Variants in ACOT7 observed in about 807,000 individuals in gnomAD.
The protein encoded by ACOT7 is acyl-CoA thioesterase 7.
Under a neutral mutation model 40.2 loss-of-function variants are expected in ACOT7, and 12 were observed. That is an observed-to-expected ratio of 0.30 (90% CI 0.19 to 0.48). The LOEUF (loss-of-function observed/expected upper bound fraction) is 0.48. ACOT7 is among the 20% of genes least tolerant of loss of function. The pLI is 0.99. For synonymous variants in ACOT7, 228 were observed against 219.5 expected (o/e 1.04, Z -0.34); for missense variants, 395 against 530.8 (o/e 0.74, Z 2.51).
chr1:6,307,327 C>T (rs1640185082), intron 6 of ACOT7, among the ~76,000 whole-genome samples: 1 of 152,254 alleles, frequency 6.6e-6, no homozygotes, highest in Non-Finnish European at 1.5e-5. Flanking sequence ...GCAGTCCTTC[C>T]CACGCAGGAC....
At chr1:6,293,560 T>C (rs1639730389) in intron 7 of ACOT7, among the ~76,000 whole-genome samples, 1 of 152,112 alleles carries the variant, frequency 6.6e-6, no homozygotes, top group South Asian at 2.1e-4. Context: ...AATTAGCTGG[T>C]TGTGGTGGTG....
At chr1:6,298,139 T>C (rs1346598241) in intron 6 of ACOT7, among the ~76,000 whole-genome samples, 2 of 152,124 alleles carry the variant, frequency 1.3e-5, no homozygotes, top group African/African-American at 4.8e-5. Flanking sequence ...ATCCCCGTCT[T>C]TCTTTTTCTT....
intron 1 of ACOT7, among the ~76,000 whole-genome samples, chr1:6,390,910 T>A (rs566084359): frequency 5.3e-5 from 8 of 151,972 alleles, no homozygotes; most frequent in Non-Finnish European, 8.8e-5. Context: ...CATTCCAGTC[T>A]GGGTGACAGA....
At chr1:6,376,381 C>T (rs1479772301) in intron 1 of ACOT7, among the ~76,000 whole-genome samples, 2 of 151,842 alleles carry the variant, frequency 1.3e-5, no homozygotes, top group African/African-American at 2.4e-5. Flanking sequence ...TACAGTGAGC[C>T]GTGATTGTAC....
rs79124342 is a variant in ACOT7, at chr1:6,307,601, A to G, written c.712+10891T>C. ...GTCTGGGTAACCCAGGTAGAGAGAA[A>G]GAACCAAGACCCTGGCAGAGGGAAC... On this transcript the variant is annotated intron_variant, in intron 6 of 8. Coordinates refer to ENST00000361521, the MANE Select transcript of ACOT7 (RefSeq NM_007274.4). Among the ~76,000 whole-genome samples the G allele has an allele frequency of 4.7e-3, 722 of 152,404 alleles. 11 individuals carry two copies. Among genetic ancestry groups the G allele is most frequent in the African/African-American group, 0.016 (665 of 41,596 alleles).
intron 7 of ACOT7, among the ~76,000 whole-genome samples, chr1:6,293,010 C>A (rs932816001): frequency 1.3e-5 from 2 of 151,898 alleles, no homozygotes; most frequent in Non-Finnish European, 2.9e-5. Flanking sequence ...CTACCTCAGC[C>A]TCCCGAGTAG....
chr1:6,276,745 T>C (rs1639203771), intron 8 of ACOT7, among the ~76,000 whole-genome samples: 1 of 151,846 alleles, frequency 6.6e-6, no homozygotes, highest in Non-Finnish European at 1.5e-5. Context: ...TGAAAATCCC[T>C]CTCCGGGCAG....
At chr1:6,373,211 G>A (rs527999164) in intron 1 of ACOT7, among the ~76,000 whole-genome samples, 1 of 151,424 alleles carries the variant, frequency 6.6e-6, no homozygotes, top group Non-Finnish European at 1.5e-5. Context: ...CAGGCTGGCC[G>A]AAAAATGGTG....
Position 6,339,507 on chromosome 1 carries a change from C to A in ACOT7, c.344G>T (p.Ser115Ile). The A allele has an allele frequency of 6.2e-7, 1 of 1,613,734 alleles. No homozygotes were observed. Among genetic ancestry groups the A allele is most frequent in the Non-Finnish European group, 8.5e-7 (1 of 1,180,038 alleles). The change falls in exon 3 of 9, where the codon AGC becomes ATC. Residue 115 changes from serine (S) to isoleucine (I), a missense_variant. Ser to Ile is a moderately radical substitution (Grantham distance 142). Around this residue, in one of 2 missense-constraint regions of ACOT7, gnomAD observed 309 missense variants for 470.3 expected, o/e 0.66. Transcript: ENST00000361521. The stretch of plus-strand genomic sequence containing the variant: ...CTTGGAGGTGTAGGTGATCTCCGCG[C>A]TGACATGCGCCACCTCACCGATGCA... ...PMCIGEVAHV[S>I]AEITYTSKHS...
rs1423559994 is a variant in ACOT7, at chr1:6,301,828, C to T, written c.713-6848G>A. Among the ~76,000 whole-genome samples the T allele has an allele frequency of 6.6e-6, 1 of 152,188 alleles. No individual in the cohort carries two copies. Among genetic ancestry groups the T allele is most frequent in the Non-Finnish European group, 1.5e-5 (1 of 68,042 alleles). ...CCGGCCAAAAAACCAAGCCCACACT[C>T]AAAATGATCTTGCTGTGTGAGCTGG... On this transcript the variant is annotated intron_variant, in intron 6 of 8. Transcript: ENST00000361521. This position sits in a 1 kb window ranked among gnomAD's most constrained non-coding sequence, Gnocchi z 4.1.
chr1:6,337,387 G>A (rs534080161), intron 3 of ACOT7, among the ~76,000 whole-genome samples: 133 of 152,300 alleles, frequency 8.7e-4, no homozygotes, highest in African/African-American at 2.7e-3. Context: ...AGATTGTGTC[G>A]TCCTCATCAA....
chr1:6,297,939 G>T (rs1328952891), intron 6 of ACOT7, among the ~76,000 whole-genome samples: 1 of 152,064 alleles, frequency 6.6e-6, no homozygotes, highest in African/African-American at 2.4e-5. Flanking sequence ...ACAGAGACAT[G>T]GGTGTTATTG....
intron 1 of ACOT7, 111 bp downstream of exon 1, chr1:6,393,146 G>A: frequency 8.8e-7 from 1 of 1,136,494 alleles, no homozygotes; most frequent in Non-Finnish European, 1.1e-6. Context: ...GCGGGGAATC[G>A]GCGGGCGGGG....
chr1:6,325,057 T>C (rs1337343070), intron 5 of ACOT7, among the ~76,000 whole-genome samples: 1 of 152,202 alleles, frequency 6.6e-6, no homozygotes, highest in Non-Finnish European at 1.5e-5. Flanking sequence ...TCCAGGCCTG[T>C]CTGGTGTATT....
At chr1:6,276,421 C>T (rs1289822543) in intron 8 of ACOT7, among the ~76,000 whole-genome samples, 5 of 152,118 alleles carry the variant, frequency 3.3e-5, no homozygotes, top group Admixed American at 1.3e-4. Context: ...TCTTCTAATA[C>T]GAGACCGAGA....
chr1:6,366,789 G>A (rs1429312860), intron 1 of ACOT7, among the ~76,000 whole-genome samples: 1 of 151,808 alleles, frequency 6.6e-6, no homozygotes, highest in Non-Finnish European at 1.5e-5. Context: ...CTGAGTAGCT[G>A]GGACTACAGG....
At chr1:6,268,910 A>C (rs1638935851) in intron 8 of ACOT7, among the ~76,000 whole-genome samples, 1 of 152,186 alleles carries the variant, frequency 6.6e-6, no homozygotes, top group South Asian at 2.1e-4. Context: ...AGGGCGTGGG[A>C]GGACCACCCA....
intron 4 of ACOT7, among the ~76,000 whole-genome samples, chr1:6,328,620 T>C (rs1434167459): frequency 6.6e-6 from 1 of 152,050 alleles, no homozygotes; most frequent in African/African-American, 2.4e-5. Flanking sequence ...AGATGGAGGT[T>C]GCAGTGAGCC....
At chr1:6,303,940 G>T (rs909124181) in intron 6 of ACOT7, among the ~76,000 whole-genome samples, 1 of 152,202 alleles carries the variant, frequency 6.6e-6, no homozygotes, top group African/African-American at 2.4e-5. Flanking sequence ...ACTGCTTCCT[G>T]ATGTTTGAGT....
Sources: allele counts gnomAD v4.1 joint callset (sites outside exome capture counted in the v4.1 genomes callset), GRCh38; gene constraint gnomAD v4.1.1; regional missense constraint gnomAD v4.1.1; non-coding constraint Gnocchi (gnomAD v3.1); transcripts MANE v1.5; gene names NCBI Gene and HGNC (gene_info 2026-07-23, HGNC 2026-07-21).